LRP1B: variants seen among roughly 807,000 people sequenced by gnomAD.
The protein encoded by LRP1B is LDL receptor related protein 1B.
A neutral mutation model predicts 556.6 loss-of-function variants in LRP1B; 217 were observed. The observed-to-expected ratio is 0.39, with a 90% CI of 0.35 to 0.44. The LOEUF is 0.44. Ranked by LOEUF, LRP1B falls within the 20% of genes least tolerant of loss-of-function variation. The pLI is 1.00. For missense variants in LRP1B, 5,053 were observed against 5,620.8 expected, an observed-to-expected ratio of 0.90 and a Z score of 3.23; for synonymous variants, 2,047 against 1,865.8, an observed-to-expected ratio of 1.10 and a Z score of -2.50.
At chr2:141,141,783 C>T (rs772537674) in intron 7 of LRP1B, among the ~76,000 whole-genome samples, 3 of 152,042 alleles carry the variant, frequency 2.0e-5, no homozygotes, top group Non-Finnish European at 4.4e-5. Flanking sequence ...TCAATGAAGA[C>T]ATATTTGCTG....
At chr2:141,579,215 G>GAAT (rs10643901) in intron 2 of LRP1B, among the ~76,000 whole-genome samples, 58,209 of 151,510 alleles carry the variant, frequency 0.38, 11,602 homozygotes, top group East Asian at 0.7. Context: ...CAGATTCAGT[G>GAAT]AATAATAACT....
intron 1 of LRP1B, among the ~76,000 whole-genome samples, chr2:141,863,622 A>C (rs1698319504): frequency 2.0e-5 from 3 of 152,214 alleles, no homozygotes; most frequent in Admixed American, 2.0e-4. Flanking sequence ...TTTGGCATCT[A>C]TTGTATCATC....
chr2:141,697,948 A>G (rs72846585), intron 2 of LRP1B, among the ~76,000 whole-genome samples: 7,496 of 151,958 alleles, frequency 0.049, 261 homozygotes, highest in Middle Eastern at 0.078. Flanking sequence ...TTCTACCCTC[A>G]TTATGTTTAG....
chr2:141,196,181 A>G (rs578163905), intron 6 of LRP1B, among the ~76,000 whole-genome samples: 63 of 152,140 alleles, frequency 4.1e-4, no homozygotes, highest in African/African-American at 1.5e-3. Flanking sequence ...GTAAATGTGC[A>G]TGATTTAAAA....
rs533941509 is a variant in LRP1B at position 140,666,686 on chromosome 2, T to G, written c.6799+33564A>C. 4.6e-5 allele frequency among the ~76,000 whole-genome samples: 7 copies of G among 152,318 alleles called. No homozygotes were observed. In the South Asian group the frequency reaches 1.5e-3, roughly 32 times the overall value. ...CTTTTAAAAAACAACTCATAGTACA[T>G]TTTATTTCAAAATCTTGGCTTTAAA... is the stretch of plus-strand genomic sequence containing the variant. On this transcript the variant is annotated intron_variant, in intron 41 of 90. Transcript: ENST00000389484.
chr2:140,770,845 A>C, intron 34 of LRP1B, 36 bp downstream of exon 34: 1 of 1,505,832 alleles, frequency 6.6e-7, no homozygotes, highest in Non-Finnish European at 8.8e-7. Flanking sequence ...TAGTGAAGTA[A>C]ATGAACCAGA....
chr2:140,999,429 A>T (rs2105366115), intron 15 of LRP1B, among the ~76,000 whole-genome samples: 1 of 152,174 alleles, frequency 6.6e-6, no homozygotes, highest in South Asian at 2.1e-4. Flanking sequence ...ACAGTCTCAG[A>T]AAAAAATTTC....
chr2:141,324,669 T>A (rs1355864239), intron 3 of LRP1B, among the ~76,000 whole-genome samples: 1 of 152,130 alleles, frequency 6.6e-6, no homozygotes, highest in Non-Finnish European at 1.5e-5. Flanking sequence ...ACTAAATTAC[T>A]GATTCGAGGC....
intron 2 of LRP1B, among the ~76,000 whole-genome samples, chr2:141,546,329 C>T (rs139449848): frequency 6.6e-6 from 1 of 152,218 alleles, no homozygotes; most frequent in Non-Finnish European, 1.5e-5. Context: ...ATAATTTGCT[C>T]ATGGTCAAAA....
chr2:140,429,533 T>C (rs187530958), intron 66 of LRP1B, among the ~76,000 whole-genome samples: 72 of 152,296 alleles, frequency 4.7e-4, no homozygotes, highest in African/African-American at 1.7e-3. Context: ...GTTACTTCAG[T>C]CAAGCCCAAA....
Position 141,581,243 on chromosome 2 carries a change from AT to A in LRP1B, c.206-100711del, listed in dbSNP as rs1164864961. ...CCGATAATGGAAAAGATTTCTGCTT[AT>A]TAGGATAATCTCCAATCCCTAGCTC... On this transcript the variant is annotated intron_variant, in intron 2 of 90. Transcript: ENST00000389484. 6.6e-5 allele frequency among the ~76,000 whole-genome samples: 10 copies of A among 152,292 alleles called. No homozygotes were observed. The East Asian group carries it at 1.9e-3, about 29-fold the overall frequency.
At chr2:140,504,181 C>A (rs1395036263) in intron 53 of LRP1B, among the ~76,000 whole-genome samples, 4 of 152,092 alleles carry the variant, frequency 2.6e-5, no homozygotes, top group African/African-American at 9.7e-5. Flanking sequence ...ATTTCTCTGA[C>A]CTCTATCTTC....
rs555692981 is a variant in LRP1B, at chr2:140,396,125, A to G, written c.10415-10116T>C. 9.2e-5 allele frequency among the ~76,000 whole-genome samples: 14 copies of G among 152,314 alleles called. No individual in the cohort carries two copies. The South Asian group carries it at 2.9e-3, about 32-fold the overall frequency. The stretch of plus-strand genomic sequence containing the variant: ...GTACAGAGGCATAACAGAAATCTCG[A>G]TAACATAGAGGGATAGAGAGGTCTT... On this transcript the variant is annotated intron_variant, in intron 66 of 90. Transcript: ENST00000389484.
intron 2 of LRP1B, among the ~76,000 whole-genome samples, chr2:141,666,822 G>A (rs962340680): frequency 6.6e-6 from 1 of 152,142 alleles, no homozygotes; most frequent in Non-Finnish European, 1.5e-5. Flanking sequence ...ACATGTTAAT[G>A]TGCCACATGA....
At chr2:141,420,912 C>T (rs1034257720) in intron 3 of LRP1B, among the ~76,000 whole-genome samples, 8 of 152,170 alleles carry the variant, frequency 5.3e-5, no homozygotes, top group African/African-American at 1.9e-4. Flanking sequence ...GTGCACTCTT[C>T]TTTTTCCCTT....
chr2:142,111,232 C>G (rs1706978576), intron 1 of LRP1B, among the ~76,000 whole-genome samples: 1 of 152,092 alleles, frequency 6.6e-6, no homozygotes, highest in South Asian at 2.1e-4. Flanking sequence ...GTTCTATACT[C>G]ACAACATCCC....
intron 1 of LRP1B, among the ~76,000 whole-genome samples, chr2:141,927,968 C>T (rs1262616117): frequency 6.6e-6 from 1 of 150,386 alleles, no homozygotes; most frequent in Non-Finnish European, 1.5e-5. Context: ...TGTTTTAAAG[C>T]TGTTGATGTT....
At chr2:141,615,426 C>A (rs1179947143) in intron 2 of LRP1B, among the ~76,000 whole-genome samples, 1 of 152,120 alleles carries the variant, frequency 6.6e-6, no homozygotes, top group Non-Finnish European at 1.5e-5. Context: ...TGACATTTCC[C>A]AAATGCCCTG....
At chr2:141,383,502 T>C (rs565101910) in intron 3 of LRP1B, among the ~76,000 whole-genome samples, 1 of 152,316 alleles carries the variant, frequency 6.6e-6, no homozygotes, top group East Asian at 1.9e-4. Context: ...ATATATGGTA[T>C]ACAGATGCTC....
Sources: allele counts gnomAD v4.1 joint callset (sites outside exome capture counted in the v4.1 genomes callset), GRCh38; gene constraint gnomAD v4.1.1; transcripts MANE v1.5; gene names NCBI Gene and HGNC (gene_info 2026-07-23, HGNC 2026-07-21).